PCDHGA1: variants seen among roughly 807,000 people sequenced by gnomAD.
PCDHGA1 encodes the protein protocadherin gamma subfamily A, 1, also known as protocadherin gamma-A1.
Under a neutral mutation model 58.0 loss-of-function variants are expected in PCDHGA1, and 32 were observed. That is an observed-to-expected ratio of 0.55 (90% confidence interval 0.42 to 0.74). The LOEUF (loss-of-function observed/expected upper bound fraction) is 0.74. PCDHGA1 is among the 30% of genes least tolerant of loss of function. The pLI is 0.00. For synonymous variants in PCDHGA1, 498 were observed against 501.1 expected (o/e 0.99, Z 0.08); for missense variants, 1,205 against 1,182.3 (o/e 1.02, Z -0.28).
At chr5:141,470,202 A>G (rs928782890) in intron 1 of PCDHGA1, among the ~76,000 whole-genome samples, 9 of 152,216 alleles carry the variant, frequency 5.9e-5, no homozygotes, top group Non-Finnish European at 1.2e-4. Flanking sequence ...GATAAATATG[A>G]AGGCTAAACC....
chr5:141,436,902 G>A (rs2097852984), intron 1 of PCDHGA1, among the ~76,000 whole-genome samples: 1 of 152,210 alleles, frequency 6.6e-6, no homozygotes, highest in Admixed American at 6.5e-5. Flanking sequence ...TTTTATATGA[G>A]ACAATTTTGT....
rs1281337319 is a variant in PCDHGA1, at chr5:141,393,186, G to A, written c.2421+60081G>A. ...CTTTGGGGTAGAAATAGAAATAATT[G>A]ATATTAACGATAATAACCCAAAATT... On this transcript the variant is annotated intron_variant, in intron 1 of 3. Transcript: ENST00000517417. 1.2e-6 allele frequency: 2 copies of A among 1,613,188 alleles called. No homozygotes were observed. The highest frequency in any genetic ancestry group is 3.3e-5 in the Admixed American group (2 of 59,998).
intron 1 of PCDHGA1, chr5:141,341,428 T>G: frequency 6.2e-7 from 1 of 1,612,296 alleles, no homozygotes; most frequent in Non-Finnish European, 8.5e-7. Context: ...ACGTACTAGC[T>G]AGTTTGCTGA....
chr5:141,393,170 A>G (rs746908655), intron 1 of PCDHGA1: 1 of 1,613,286 alleles, frequency 6.2e-7, no homozygotes, highest in South Asian at 1.1e-5. Context: ...TCTTTGGGGT[A>G]GAAATAGAAA....
At chr5:141,356,178 T>C (rs1378242002) in intron 1 of PCDHGA1, 2 of 1,612,174 alleles carry the variant, frequency 1.2e-6, no homozygotes, top group Non-Finnish European at 8.5e-7. Flanking sequence ...ATGGGCCTGG[T>C]CTCCGAGCTA....
chr5:141,398,980 G>A (rs772840804), intron 1 of PCDHGA1: 3 of 1,613,860 alleles, frequency 1.9e-6, no homozygotes, highest in South Asian at 2.2e-5. Flanking sequence ...CTACAGAACC[G>A]GGCAAATCTT....
chr5:141,383,612 A>C (rs1387363746), intron 1 of PCDHGA1: 1 of 1,613,690 alleles, frequency 6.2e-7, no homozygotes, highest in East Asian at 2.2e-5. Flanking sequence ...GTGAATGACC[A>C]CACGCCTGTC....
intron 1 of PCDHGA1, chr5:141,346,294 C>T (rs1185179308): frequency 6.2e-7 from 1 of 1,614,226 alleles, no homozygotes; most frequent in Admixed American, 1.7e-5. Flanking sequence ...CAGACCTATT[C>T]CCACGAGGTC....
chr5:141,386,534 T>A (rs1561611722), intron 1 of PCDHGA1, among the ~76,000 whole-genome samples: 1 of 151,950 alleles, frequency 6.6e-6, no homozygotes, highest in African/African-American at 2.4e-5. Context: ...CTTTTTAGAC[T>A]AGTGTTGTAT....
intron 1 of PCDHGA1, chr5:141,374,097 A>G (rs1277096139): frequency 3.2e-6 from 5 of 1,560,098 alleles, no homozygotes; most frequent in Non-Finnish European, 4.3e-6. Flanking sequence ...GCGCCTCCGC[A>G]GAGGCATCCG....
At chr5:141,340,750 G>T (rs147764693) in intron 1 of PCDHGA1, 397 of 1,614,012 alleles carry the variant, frequency 2.5e-4, no homozygotes, top group Middle Eastern at 1.7e-4. Flanking sequence ...AGGTGGTGGC[G>T]GTGGACAGAG....
intron 1 of PCDHGA1, among the ~76,000 whole-genome samples, chr5:141,469,207 G>T (rs2099193654): frequency 6.6e-6 from 1 of 151,820 alleles, no homozygotes; most frequent in African/African-American, 2.4e-5. Flanking sequence ...GCCTTTTGAA[G>T]TTGAGGCTTC....
At chr5:141,404,614 C>T in intron 1 of PCDHGA1, 5 of 1,614,078 alleles carry the variant, frequency 3.1e-6, no homozygotes, top group Non-Finnish European at 4.2e-6. Context: ...TTGTTTTGGA[C>T]CAGAATGACA....
chr5:141,355,205 C>T (rs1228836363), intron 1 of PCDHGA1: 2 of 1,597,330 alleles, frequency 1.3e-6, no homozygotes, highest in East Asian at 2.2e-5. Flanking sequence ...GTTGTAATGG[C>T]GGCGCCTCCT....
chr5:141,409,282 A>G (rs769745022), intron 1 of PCDHGA1: 1 of 1,613,958 alleles, frequency 6.2e-7, no homozygotes, highest in East Asian at 2.2e-5. Context: ...TGGAGAATTC[A>G]CCTCCAGGAA....
chr5:141,341,448 C>T, intron 1 of PCDHGA1: 1 of 1,608,668 alleles, frequency 6.2e-7, no homozygotes. Flanking sequence ...AAGTAATTCA[C>T]TTACTTGTTT....
chr5:141,420,956 T>C lies in PCDHGA1; in HGVS notation c.2422-73851T>C, dbSNP rs17097281. 2.2e-3 allele frequency: 904 copies of C among 416,864 alleles called. 5 individuals carry two copies. The highest frequency in any genetic ancestry group is 0.016 in the African/African-American group (760 of 48,560). 25.8% of individuals were successfully genotyped at this position (416,864 alleles called of 1,614,324 possible). A position where few individuals can be genotyped will look rare whatever the true frequency, so the allele number is the denominator to read the frequency against. Reference sequence around the variant, plus strand: ...AATCATTTCTTCTGGAATTTCTTAGTCGTTGCAATAATAAGAATGGGCTCT... The same window carrying C: ...AATCATTTCTTCTGGAATTTCTTAGCCGTTGCAATAATAAGAATGGGCTCT... On this transcript the variant is annotated intron_variant, in intron 1 of 3. Coordinates refer to ENST00000517417, the MANE Select transcript of PCDHGA1 (RefSeq NM_018912.3).
At chr5:141,345,154 G>T (rs761130659) in intron 1 of PCDHGA1, 1 of 1,614,004 alleles carries the variant, frequency 6.2e-7, no homozygotes, top group Admixed American at 1.7e-5. Flanking sequence ...GTGCATGACC[G>T]AGATTCTGGG....
chr5:141,337,112 A>AAAGAG (rs1260808028), intron 1 of PCDHGA1, among the ~76,000 whole-genome samples: 1 of 152,032 alleles, frequency 6.6e-6, no homozygotes, highest in African/African-American at 2.4e-5. Context: ...TGCTGTCATA[A>AAAGAG]AAGAAAAGAA....
Sources: gnomAD v4.1 joint callset for allele counts (sites outside exome capture counted in the v4.1 genomes callset) on GRCh38, gnomAD v4.1.1 for gene constraint, MANE v1.5 for transcripts, NCBI Gene and HGNC (gene_info 2026-07-23, HGNC 2026-07-21) for gene names.